Variants in COL11A1 observed in about 807,000 individuals in gnomAD.
COL11A1 encodes collagen alpha-1(XI) chain.
Under a neutral mutation model 265.2 loss-of-function variants are expected in COL11A1, and 74 were observed. The observed-to-expected ratio is 0.28, with a 90% CI of 0.23 to 0.34. COL11A1 has a LOEUF of 0.34. Among genes scored for constraint, COL11A1 ranks in the 10% least tolerant of loss-of-function variants. The pLI is 1.00. For missense variants in COL11A1, 2,165 were observed against 2,263.6 expected (o/e 0.96, Z 0.88); for synonymous variants, 816 against 727.6 (o/e 1.12, Z -1.96).
At chr1:102,927,424 A>T (rs959335873) in intron 46 of COL11A1, among the ~76,000 whole-genome samples, 1 of 152,194 alleles carries the variant, frequency 6.6e-6, no homozygotes, top group Non-Finnish European at 1.5e-5. Flanking sequence ...TAAAAAAACA[A>T]GCCAGAATAC....
intron 57 of COL11A1, among the ~76,000 whole-genome samples, chr1:102,895,526 C>G (rs962770101): frequency 6.6e-6 from 1 of 151,898 alleles, no homozygotes; most frequent in African/African-American, 2.4e-5. Flanking sequence ...CAAATTGAAG[C>G]CTGTGTAGAT....
At chr1:103,086,930 G>T (rs373098352) in intron 1 of COL11A1, among the ~76,000 whole-genome samples, 2 of 151,818 alleles carry the variant, frequency 1.3e-5, no homozygotes, top group Non-Finnish European at 2.9e-5. Context: ...TTGAAATTCT[G>T]CCTGTTATTT....
intron 4 of COL11A1, among the ~76,000 whole-genome samples, chr1:103,045,138 C>A (rs1423299759): frequency 6.6e-6 from 1 of 151,986 alleles, no homozygotes; most frequent in Non-Finnish European, 1.5e-5. Flanking sequence ...ACCAACAATC[C>A]ACAGGTAGCA....
chr1:102,877,900 C>T lies in COL11A1; in HGVS notation c.*119G>A. The T allele has an allele frequency of 1.0e-6, 1 of 959,904 alleles. No homozygotes were observed. Among genetic ancestry groups the T allele is most frequent in the Non-Finnish European group, 1.7e-6 (1 of 597,634 alleles). 59.5% of individuals were successfully genotyped at this position (959,904 alleles called of 1,614,324 possible). A position where few individuals can be genotyped will look rare whatever the true frequency, so the allele number is the denominator to read the frequency against. ...AGGCATCGGTATTTCCTAAATGGTA[C>T]CTGTATATGCAGCGTTGTTTTCTAT... On this transcript the variant is annotated 3_prime_UTR_variant, in exon 67 of 67. Coordinates refer to ENST00000370096, the MANE Select transcript of COL11A1 (RefSeq NM_001854.4).
chr1:103,093,444 A>C (rs1276659471), intron 1 of COL11A1, among the ~76,000 whole-genome samples: 1 of 152,164 alleles, frequency 6.6e-6, no homozygotes, highest in East Asian at 1.9e-4. Flanking sequence ...CTGGAAAAAA[A>C]AATCCACAAA....
chr1:103,107,676 G>A (rs143850060), intron 1 of COL11A1, among the ~76,000 whole-genome samples: 2,516 of 152,126 alleles, frequency 0.017, 43 homozygotes, highest in Non-Finnish European at 0.024. Context: ...ATTCCCATTA[G>A]TTAGAATCTG....
chr1:102,888,826 C>A lies in COL11A1; in HGVS notation c.4518+40G>T, dbSNP rs749200216. 9.9e-6 allele frequency: 16 copies of A among 1,612,100 alleles called. No individual in the cohort carries two copies. The East Asian group carries it at 3.3e-4, about 34-fold the overall frequency. On this transcript the variant is annotated intron_variant, in intron 60 of 66. Coordinates refer to ENST00000370096, the MANE Select transcript of COL11A1 (RefSeq NM_001854.4). ...ATTTGTGTCTCTGTTATATTTGTAA[C>A]TTAACCCTACCTTATAAGGTTATTT...
intron 31 of COL11A1, among the ~76,000 whole-genome samples, 171 bp downstream of exon 31, chr1:102,983,967 C>A (rs776956821): frequency 6.6e-6 from 1 of 152,058 alleles, no homozygotes; most frequent in Non-Finnish European, 1.5e-5. Context: ...ATCACCTAAG[C>A]TCTTTGAGCT....
At chr1:102,983,144 A>T (rs1663198058) in intron 31 of COL11A1, among the ~76,000 whole-genome samples, 1 of 152,116 alleles carries the variant, frequency 6.6e-6, no homozygotes, top group African/African-American at 2.4e-5. Flanking sequence ...GAATGCATCA[A>T]GTGCATCCTT....
chr1:102,927,573 G>A (rs1240941037), intron 46 of COL11A1, among the ~76,000 whole-genome samples: 1 of 152,096 alleles, frequency 6.6e-6, no homozygotes, highest in Non-Finnish European at 1.5e-5. Flanking sequence ...AACCTGGGAA[G>A]CGGAGCTTGC....
At chr1:102,988,889 C>T (rs972546323) in intron 29 of COL11A1, among the ~76,000 whole-genome samples, 2 of 152,028 alleles carry the variant, frequency 1.3e-5, no homozygotes, top group African/African-American at 2.4e-5. Context: ...ATCCTGCATG[C>T]AGACTTCATT....
rs114119681 is a variant in COL11A1, at chr1:102,944,457, G to A, written c.3276+2392C>T. Among the ~76,000 whole-genome samples, 1,379 of 152,212 alleles carry A rather than the reference G, an allele frequency of 9.1e-3. 21 individuals are homozygous for A. Among genetic ancestry groups the A allele is most frequent in the African/African-American group, 0.032 (1,315 of 41,534 alleles). ...TTTTGGCTAATAGAAAATGGAATGAGCATGCTGGAGTTGTTGTCCTTGGCT... is the reference window on the plus strand; with the variant it reads ...TTTTGGCTAATAGAAAATGGAATGAACATGCTGGAGTTGTTGTCCTTGGCT... On this transcript the variant is annotated intron_variant, in intron 42 of 66. Transcript: ENST00000370096.
intron 30 of COL11A1, among the ~76,000 whole-genome samples, chr1:102,986,037 ACTCT>A (rs1232921408): frequency 2.6e-5 from 4 of 152,012 alleles, no homozygotes; most frequent in Admixed American, 6.6e-5. Context: ...GACTATTCAC[ACTCT>A]CTATCTAATA....
chr1:102,940,468 A>C (rs1658607536), intron 42 of COL11A1, 34 bp from the exon 43 acceptor site: 11 of 1,464,984 alleles, frequency 7.5e-6, no homozygotes, highest in Non-Finnish European at 1.1e-5. Context: ...TTAATTTTAC[A>C]GTTTTGAAGT....
intron 36 of COL11A1, among the ~76,000 whole-genome samples, chr1:102,971,026 C>CAAAAA (rs1553221972): frequency 1.4e-4 from 21 of 150,592 alleles, no homozygotes; most frequent in South Asian, 2.1e-4. Context: ...ACAAAACAAA[C>CAAAAA]AAAAAAAAAC....
rs181735480 is a variant in COL11A1 at position 102,998,212 on chromosome 1, T to G, written c.2196+98A>C. The G allele has an allele frequency of 1.8e-3, 1,843 of 1,012,812 alleles. 7 individuals carry two copies. Among genetic ancestry groups the G allele is most frequent in the Non-Finnish European group, 2.3e-3 (1,481 of 656,448 alleles). 62.7% of individuals were successfully genotyped at this position (1,012,812 alleles called of 1,614,324 possible). A position where few individuals can be genotyped will look rare whatever the true frequency, so the allele number is the denominator to read the frequency against. ...GTTTAATTACTGGCTCAATTTATTT[T>G]TATTACTAACCTCATATAATCATTT... On this transcript the variant is annotated intron_variant, in intron 25 of 66. Transcript: ENST00000370096.
chr1:103,015,840 G>T (rs1666521871), intron 11 of COL11A1, 98 bp from the exon 12 acceptor site: 12 of 890,272 alleles, frequency 1.3e-5, no homozygotes, highest in Non-Finnish European at 1.7e-5. Context: ...TATCTAATTT[G>T]CATTTGCCCT....
At chr1:103,003,891 AACTT>A (rs1665359667) in intron 20 of COL11A1, among the ~76,000 whole-genome samples, 2 of 152,242 alleles carry the variant, frequency 1.3e-5, no homozygotes, top group Admixed American at 6.5e-5. Flanking sequence ...CATTTGCTTG[AACTT>A]ACTTGACAAG....
At chr1:103,058,715 T>TCAGTTGAGC (rs974410777) in intron 4 of COL11A1, among the ~76,000 whole-genome samples, 3 of 152,162 alleles carry the variant, frequency 2.0e-5, no homozygotes, top group African/African-American at 7.2e-5. Flanking sequence ...GAATAGCTGG[T>TCAGTTGAGC]CAGTTGAGCC....
Sources: gnomAD v4.1 joint callset for allele counts (sites outside exome capture counted in the v4.1 genomes callset) on GRCh38, gnomAD v4.1.1 for gene constraint, MANE v1.5 for transcripts, NCBI Gene and HGNC (gene_info 2026-07-23, HGNC 2026-07-21) for gene names.